The following FRMD4A variants were observed in gnomAD, a reference collection of about 807,000 sequenced individuals.
FRMD4A encodes the protein FERM domain-containing protein 4A.
Under a neutral mutation model 129.1 loss-of-function variants are expected in FRMD4A, and 29 were observed. The ratio of observed to expected loss-of-function variants is 0.22; its 90% CI spans 0.17 to 0.31. The LOEUF is 0.31. Ranked by LOEUF, FRMD4A falls within the 10% of genes least tolerant of loss-of-function variation. The pLI is 1.00. For missense variants in FRMD4A, 1,272 were observed against 1,375.8 expected (o/e 0.92, Z 1.19); for synonymous variants, 634 against 571.6 (o/e 1.11, Z -1.56).
At chr10:14,103,023 A>G (rs1438357925) in intron 2 of FRMD4A, among the ~76,000 whole-genome samples, 1 of 152,172 alleles carries the variant, frequency 6.6e-6, no homozygotes, top group Non-Finnish European at 1.5e-5. Context: ...AAGAAATTGA[A>G]AGCACTTAGG....
At position 14,039,662 on chromosome 10, in the gene FRMD4A, G is replaced by T. The variant is rs146723426; in HGVS notation, c.46-180750C>A. Among the ~76,000 whole-genome samples the T allele has an allele frequency of 2.6e-3, 401 of 152,216 alleles. 3 individuals are homozygous for T. Among genetic ancestry groups the T allele is most frequent in the African/African-American group, 9.2e-3 (380 of 41,514 alleles). ...CATATCTGATTTCTTCCTTAGGAAA[G>T]GCTGGTCAGAAACTCAAAAGAATGC... On this transcript the variant is annotated intron_variant, in intron 2 of 24. Transcript: ENST00000357447.
At chr10:13,879,542 G>C (rs1266332317) in intron 2 of FRMD4A, among the ~76,000 whole-genome samples, 2 of 152,114 alleles carry the variant, frequency 1.3e-5, no homozygotes, top group Non-Finnish European at 2.9e-5. Flanking sequence ...AAATAAAAGA[G>C]AGACATTTCT....
intron 2 of FRMD4A, among the ~76,000 whole-genome samples, chr10:14,185,694 C>T (rs75691706): frequency 0.015 from 2,352 of 152,274 alleles, 27 homozygotes; most frequent in Non-Finnish European, 0.025. Context: ...ATAGCAGCAG[C>T]TCAACAGTGG....
At chr10:13,834,967 G>C (rs2093850225) in intron 3 of FRMD4A, among the ~76,000 whole-genome samples, 1 of 152,174 alleles carries the variant, frequency 6.6e-6, no homozygotes, top group African/African-American at 2.4e-5. Flanking sequence ...CCCCGTGATA[G>C]CAGCGTGCAC....
chr10:13,801,901 C>T (rs1564826835), intron 4 of FRMD4A, among the ~76,000 whole-genome samples: 1 of 149,744 alleles, frequency 6.7e-6, no homozygotes. Context: ...GAAGCATTTC[C>T]TTAATACAGT....
chr10:14,138,204 C>T (rs72776701), intron 2 of FRMD4A, among the ~76,000 whole-genome samples: 3,892 of 152,212 alleles, frequency 0.026, 71 homozygotes, highest in Non-Finnish European at 0.039. Context: ...TCTATGTGCC[C>T]GGCCCAGTGT....
chr10:13,999,601 G>C (rs1430450246), intron 2 of FRMD4A, among the ~76,000 whole-genome samples: 1 of 152,218 alleles, frequency 6.6e-6, no homozygotes, highest in African/African-American at 2.4e-5. Flanking sequence ...AAGCCAGTCA[G>C]GCTTGGAAGC....
At position 13,760,046 on chromosome 10, in the gene FRMD4A, A is replaced by G. The variant is rs143824193; in HGVS notation, c.464+1601T>C. ...TAACTGATTGGAAAAAGAAACCAAA[A>G]GAAGAAGAATATTTTGTGATACATG... On this transcript the variant is annotated intron_variant, in intron 8 of 24. Transcript: ENST00000357447. 1.6e-3 allele frequency among the ~76,000 whole-genome samples: 239 copies of G among 152,138 alleles called. 4 individuals carry two copies. Among genetic ancestry groups the G allele is most frequent in the African/African-American group, 5.4e-3 (224 of 41,508 alleles).
chr10:14,215,565 C>T (rs1843049130), intron 2 of FRMD4A, among the ~76,000 whole-genome samples: 1 of 152,022 alleles, frequency 6.6e-6, no homozygotes, highest in African/African-American at 2.4e-5. Context: ...AGCAAAAGAA[C>T]ATTAAGGAAG....
intron 2 of FRMD4A, among the ~76,000 whole-genome samples, chr10:14,265,767 C>G (rs1844955953): frequency 6.6e-6 from 1 of 152,122 alleles, no homozygotes; most frequent in South Asian, 2.1e-4. Flanking sequence ...TATTAAAATC[C>G]CAAATCAGTT....
At chr10:14,245,907 GA>G (rs1844218752) in intron 2 of FRMD4A, among the ~76,000 whole-genome samples, 1 of 152,202 alleles carries the variant, frequency 6.6e-6, no homozygotes, top group South Asian at 2.1e-4. Flanking sequence ...GACCAACTCT[GA>G]AAACCCTCGT....
chr10:13,969,211 A>G (rs1271801569), intron 2 of FRMD4A, among the ~76,000 whole-genome samples: 2 of 152,156 alleles, frequency 1.3e-5, no homozygotes. Context: ...ATTGGTTTAG[A>G]CTTGCCATCC....
At chr10:14,015,067 T>C (rs1274900747) in intron 2 of FRMD4A, among the ~76,000 whole-genome samples, 8 of 136,564 alleles carry the variant, frequency 5.9e-5, no homozygotes, top group Non-Finnish European at 1.3e-4. Context: ...TTTTCTTCTG[T>C]CCTTCCTTCT....
intron 3 of FRMD4A, among the ~76,000 whole-genome samples, chr10:13,814,251 G>A (rs1156936484): frequency 6.6e-6 from 1 of 152,070 alleles, no homozygotes; most frequent in East Asian, 1.9e-4. Flanking sequence ...GAGAGGTCTG[G>A]TCCAAACTTG....
chr10:14,047,531 C>G (rs937553008), intron 2 of FRMD4A, among the ~76,000 whole-genome samples: 2 of 152,156 alleles, frequency 1.3e-5, no homozygotes, highest in African/African-American at 4.8e-5. Context: ...TTAATGCTCA[C>G]CAGCTGATTA....
At chr10:14,266,521 GTGTA>G (rs1389980585) in intron 2 of FRMD4A, among the ~76,000 whole-genome samples, 2 of 148,300 alleles carry the variant, frequency 1.3e-5, no homozygotes, top group African/African-American at 2.5e-5. Flanking sequence ...GTGTGTGTGT[GTGTA>G]TGTGTGTGGC....
chr10:13,761,864 C>A (rs17153950), intron 7 of FRMD4A, among the ~76,000 whole-genome samples, 195 bp from the exon 8 acceptor site: 1 of 152,172 alleles, frequency 6.6e-6, no homozygotes, highest in Non-Finnish European at 1.5e-5. Context: ...AAATATGAAA[C>A]TAAACTCTAG....
intron 13 of FRMD4A, 98 bp from the exon 14 acceptor site, chr10:13,701,576 G>T: frequency 1.8e-6 from 2 of 1,121,064 alleles, no homozygotes; most frequent in Non-Finnish European, 2.6e-6. Context: ...CGTCCTAGAA[G>T]CCCTGGCGTA....
At chr10:13,711,555 T>A (rs1251732751) in intron 12 of FRMD4A, among the ~76,000 whole-genome samples, 3 of 152,246 alleles carry the variant, frequency 2.0e-5, no homozygotes, top group African/African-American at 7.2e-5. Context: ...TCAGGATGAC[T>A]GGGCCGGTTC....
Sources: gnomAD v4.1 joint callset for allele counts (sites outside exome capture counted in the v4.1 genomes callset) on GRCh38, gnomAD v4.1.1 for gene constraint, MANE v1.5 for transcripts, NCBI Gene and HGNC (gene_info 2026-07-23, HGNC 2026-07-21) for gene names.